PTGER4: variants seen among roughly 807,000 people sequenced by gnomAD.
PTGER4 encodes the protein prostaglandin E receptor 4, also known as prostaglandin E2 receptor EP4 subtype.
PTGER4 carries 11 observed loss-of-function variants against 33.2 expected under a neutral mutation model. The observed-to-expected ratio is 0.33, with a 90% CI of 0.21 to 0.55. The LOEUF (loss-of-function observed/expected upper bound fraction) is 0.55, where lower values mean the gene tolerates loss of function less well. Ranked by LOEUF, PTGER4 falls within the 20% of genes least tolerant of loss-of-function variation. The pLI is 0.92. For synonymous variants in PTGER4, 275 were observed against 281.5 expected, an observed-to-expected ratio of 0.98 and a Z score of 0.23; for missense variants, 481 against 650.2, an observed-to-expected ratio of 0.74 and a Z score of 2.83.
At chr5:40,708,052 A>G in the PTGER4 span, among the ~76,000 whole-genome samples, 1 of 152,244 alleles carries the variant, frequency 6.6e-6, no homozygotes, top group Non-Finnish European at 1.5e-5. Flanking sequence ...GGAAATTTAT[A>G]GCACTAAATG....
At chr5:40,731,255 G>A in the PTGER4 span, among the ~76,000 whole-genome samples, 15 of 152,210 alleles carry the variant, frequency 9.9e-5, no homozygotes, top group South Asian at 2.3e-3. Flanking sequence ...TGGACTGTTT[G>A]TCCAATCTTT....
At chr5:40,732,360 A>AGCTCATCAATCTTT in the PTGER4 span, among the ~76,000 whole-genome samples, 1 of 152,060 alleles carries the variant, frequency 6.6e-6, no homozygotes, top group East Asian at 1.9e-4. Context: ...ATGAGGAACC[A>AGCTCATCAATCTTT]ATGGTTGAGA....
At chr5:40,716,076 A>G in the PTGER4 span, 1 of 1,308,926 alleles carries the variant, frequency 7.6e-7, no homozygotes, top group Non-Finnish European at 1.0e-6. Flanking sequence ...CTCCAGAGTA[A>G]ATGTCTCTAT....
At chr5:40,702,746 T>G in the PTGER4 span, among the ~76,000 whole-genome samples, 1 of 152,214 alleles carries the variant, frequency 6.6e-6, no homozygotes, top group Non-Finnish European at 1.5e-5. Flanking sequence ...TACTCTAAAA[T>G]TGACCACATA....
the PTGER4 span, chr5:40,714,731 C>T: frequency 1.3e-5 from 2 of 152,220 alleles, no homozygotes; most frequent in African/African-American, 2.4e-5. Flanking sequence ...TTTCTCCAAC[C>T]CTGAAAAGAG....
chr5:40,738,519 A>AAATAC, the PTGER4 span, among the ~76,000 whole-genome samples: 5,339 of 67,926 alleles, frequency 0.079, 301 homozygotes, highest in East Asian at 0.18. Context: ...AAATACAATA[A>AAATAC]AATAAAATAC....
the PTGER4 span, among the ~76,000 whole-genome samples, chr5:40,710,711 A>G: frequency 6.6e-6 from 1 of 152,220 alleles, no homozygotes; most frequent in Non-Finnish European, 1.5e-5. Context: ...GATTAAGAAA[A>G]TGTGGCACAT....
the PTGER4 span, among the ~76,000 whole-genome samples, chr5:40,738,524 A>C: frequency 7.7e-3 from 754 of 97,598 alleles, 9 homozygotes; most frequent in African/African-American, 0.018. Context: ...CAATAAAATA[A>C]AATACAATAA....
chr5:40,681,547 C>G lies in PTGER4; in HGVS notation c.554C>G (p.Ser185Cys). The G allele has an allele frequency of 6.2e-7, 1 of 1,612,388 alleles. No homozygotes were observed. The highest frequency in any genetic ancestry group is 8.5e-7 in the Non-Finnish European group (1 of 1,180,052). The change falls in exon 2 of 3, where the codon TCC (serine) becomes TGC (cysteine). Residue 185 changes from serine to cysteine, a missense_variant. By Grantham distance (112) the Ser-to-Cys change is moderately radical. This residue lies in a region of PTGER4 where 174 missense variants were observed against 210.5 expected (regional missense o/e 0.83). Coordinates refer to ENST00000302472, the MANE Select transcript of PTGER4 (RefSeq NM_000958.3). The surrounding 1 kb of genome is among the most constrained non-coding windows in gnomAD (Gnocchi z 9.8). ...AACGTGACGGCGCACGCCGCCTACT[C>G]CTACATGTACGCGGGCTTCAGCTCC... Reference protein sequence around the residue: ...TTNVTAHAAYSYMYAGFSSFL... With the variant: ...TTNVTAHAAYCYMYAGFSSFL...
At chr5:40,737,643 T>A in the PTGER4 span, among the ~76,000 whole-genome samples, 9 of 152,338 alleles carry the variant, frequency 5.9e-5, no homozygotes, top group East Asian at 1.7e-3. Flanking sequence ...TCTGATGAGT[T>A]TTGAGAAATG....
chr5:40,744,343 C>T, the PTGER4 span, among the ~76,000 whole-genome samples: 1 of 152,100 alleles, frequency 6.6e-6, no homozygotes, highest in Non-Finnish European at 1.5e-5. Flanking sequence ...AGCTTAAGCA[C>T]ATTTTGTTTT....
chr5:40,723,175 A>C, the PTGER4 span, among the ~76,000 whole-genome samples: 1 of 152,140 alleles, frequency 6.6e-6, no homozygotes, highest in East Asian at 1.9e-4. Context: ...GTGTCCACTC[A>C]GGGTTAAATG....
chr5:40,742,957 G>A, the PTGER4 span, among the ~76,000 whole-genome samples: 5 of 152,206 alleles, frequency 3.3e-5, no homozygotes, highest in Middle Eastern at 6.8e-3. Flanking sequence ...TATTTACTGA[G>A]GGCCTAGTAA....
Position 40,681,713 on chromosome 5 carries a change from C to G in PTGER4, c.720C>G (p.Gly240=), listed in dbSNP as rs527614428. 4.4e-6 allele frequency: 7 copies of G among 1,589,402 alleles called. No homozygotes were observed. In the East Asian group the frequency reaches 1.6e-4, roughly 36 times the overall value. Residue 240 remains glycine, a synonymous_variant, in exon 2 of 3, where the codon GGC becomes GGG. Coordinates refer to ENST00000302472, the MANE Select transcript of PTGER4 (RefSeq NM_000958.3). The surrounding 1 kb of genome is among the most constrained non-coding windows in gnomAD (Gnocchi z 9.8). The part of the protein sequence containing the change: ...AAAAASVASR[G]HPAASPALPR... The stretch of plus-strand genomic sequence containing the variant: ...CGGCCGCCTCGGTTGCCTCCCGGGG[C>G]CACCCCGCTGCCTCCCCAGCCTTGC...
At chr5:40,684,712 A>C (rs1427876451) in intron 2 of PTGER4, among the ~76,000 whole-genome samples, 1 of 152,220 alleles carries the variant, frequency 6.6e-6, no homozygotes, top group East Asian at 1.9e-4. Flanking sequence ...GGTCATAATT[A>C]ATGATCAGAG....
At chr5:40,697,750 A>G (rs1035630781), downstream of PTGER4, among the ~76,000 whole-genome samples, 1 of 152,004 alleles carries the variant, frequency 6.6e-6, no homozygotes, top group African/African-American at 2.4e-5. Flanking sequence ...CTCCATGAAA[A>G]ACAAAGAGAG....
the PTGER4 span, among the ~76,000 whole-genome samples, chr5:40,737,560 A>C: frequency 6.6e-6 from 1 of 152,228 alleles, no homozygotes; most frequent in Non-Finnish European, 1.5e-5. Context: ...AGCACTCAAA[A>C]CTTTGTTTTT....
At chr5:40,734,057 G>A in the PTGER4 span, among the ~76,000 whole-genome samples, 8 of 152,120 alleles carry the variant, frequency 5.3e-5, no homozygotes, top group Admixed American at 6.5e-5. Flanking sequence ...TTGCCAACGA[G>A]GCCTATAAAG....
chr5:40,691,412 C>T lies in PTGER4; in HGVS notation c.868-367C>T, dbSNP rs112716686. Among the ~76,000 whole-genome samples the T allele has an allele frequency of 2.8e-3, 434 of 152,340 alleles. 2 individuals are homozygous for T. The highest frequency in any genetic ancestry group is 0.01 in the African/African-American group (416 of 41,582). On this transcript the variant is annotated intron_variant, in intron 2 of 2. Transcript: ENST00000302472. This position sits in a 1 kb window ranked among gnomAD's most constrained non-coding sequence, Gnocchi z 4.2. ...GGCCAGGAGGTTCTCAATCTCTTGACCTAGTGATCCGCCTACCTCGGCCTA... is the reference window on the plus strand; with the variant it reads ...GGCCAGGAGGTTCTCAATCTCTTGATCTAGTGATCCGCCTACCTCGGCCTA...
Sources: allele counts gnomAD v4.1 joint callset (sites outside exome capture counted in the v4.1 genomes callset), GRCh38; gene constraint gnomAD v4.1.1; regional missense constraint gnomAD v4.1.1; non-coding constraint Gnocchi (gnomAD v3.1); transcripts MANE v1.5; gene names NCBI Gene and HGNC (gene_info 2026-07-23, HGNC 2026-07-21).